Variants in C12orf54 observed in about 807,000 individuals in gnomAD.
C12orf54 encodes the protein uncharacterized protein C12orf54.
C12orf54 carries 24 observed loss-of-function variants against 26.4 expected under a neutral mutation model. The observed-to-expected ratio is 0.91, with a 90% CI of 0.66 to 1.28. C12orf54 has a LOEUF of 1.28. Among genes scored for constraint, C12orf54 ranks in the 50% most tolerant of loss-of-function variants. C12orf54 has a pLI of 0.00. For missense variants in C12orf54, 154 were observed against 150.9 expected (o/e 1.02, Z -0.11); for synonymous variants, 54 against 47.0 (o/e 1.15, Z -0.61).
the C12orf54 span, among the ~76,000 whole-genome samples, chr12:48,419,431 AC>A: frequency 1.3e-5 from 2 of 152,342 alleles, no homozygotes; most frequent in East Asian, 3.9e-4. Flanking sequence ...AGTGATCCGC[AC>A]AATTAACCAA....
In C12orf54 at chr12:48,494,927, C is replaced by T. The variant is rs555753684; in HGVS notation, c.372C>T (p.Tyr124=). Residue 124 remains tyrosine (Y), a synonymous_variant, in exon 8 of 9, where the codon TAC becomes TAT. Coordinates refer to ENST00000548364, the MANE Select transcript of C12orf54 (RefSeq NM_152319.4). ...AGCTCTTCAGTCAATCAGCTTACTACCCTGGACCCTAACTCTACAATCAAG... is the reference window on the plus strand; with the variant it reads ...AGCTCTTCAGTCAATCAGCTTACTATCCTGGACCCTAACTCTACAATCAAG... ...KTQLFSQSAY[Y]PGP 1 of 1,613,282 alleles carries T rather than the reference C, an allele frequency of 6.2e-7. No homozygotes were observed. The highest frequency in any genetic ancestry group is 1.1e-5 in the South Asian group (1 of 91,038).
the C12orf54 span, among the ~76,000 whole-genome samples, chr12:48,463,861 C>A: frequency 1.3e-5 from 2 of 151,928 alleles, no homozygotes; most frequent in African/African-American, 4.8e-5. Context: ...GCAGAAAAGG[C>A]TTTCTTTATA....
intron 4 of C12orf54, among the ~76,000 whole-genome samples, chr12:48,487,395 C>T (rs1410029120): frequency 1.3e-5 from 2 of 152,158 alleles, no homozygotes; most frequent in African/African-American, 4.8e-5. Context: ...TCTCCAGAGC[C>T]TCTTGTGCCA....
chr12:48,420,403 C>CT, the C12orf54 span, among the ~76,000 whole-genome samples: 7 of 152,174 alleles, frequency 4.6e-5, no homozygotes, highest in African/African-American at 1.2e-4. Flanking sequence ...CTTAGCCACC[C>CT]TTTTTTTAGA....
chr12:48,418,231 G>A, the C12orf54 span, among the ~76,000 whole-genome samples: 2 of 152,184 alleles, frequency 1.3e-5, no homozygotes, highest in African/African-American at 4.8e-5. Flanking sequence ...AAATGGTACA[G>A]GGAAGGCAGG....
chr12:48,441,555 A>G, the C12orf54 span, among the ~76,000 whole-genome samples: 4 of 151,588 alleles, frequency 2.6e-5, no homozygotes, highest in East Asian at 7.8e-4. Context: ...TGAGTGAATA[A>G]TGACAGGGGT....
intron 3 of C12orf54, chr12:48,486,427 C>T (rs1168754487): frequency 8.0e-6 from 5 of 624,996 alleles, no homozygotes; most frequent in Non-Finnish European, 1.1e-5. Flanking sequence ...GGCAGGCTTA[C>T]AGGCATTGAA....
the C12orf54 span, among the ~76,000 whole-genome samples, chr12:48,456,630 C>T: frequency 2.0e-5 from 3 of 152,144 alleles, no homozygotes; most frequent in African/African-American, 7.2e-5. Flanking sequence ...TGGAAAATGG[C>T]TTTGACAATT....
the C12orf54 span, chr12:48,442,841 G>C: frequency 6.4e-6 from 1 of 156,826 alleles, no homozygotes; most frequent in Non-Finnish European, 1.4e-5. Flanking sequence ...TCCCATCACA[G>C]TCAGGAGGCA....
At chr12:48,446,670 G>T in the C12orf54 span, among the ~76,000 whole-genome samples, 93 of 152,054 alleles carry the variant, frequency 6.1e-4, no homozygotes, top group East Asian at 0.017. Flanking sequence ...GTGACTCACG[G>T]CTTATTTTTA....
At chr12:48,441,306 T>C in the C12orf54 span, among the ~76,000 whole-genome samples, 2 of 152,172 alleles carry the variant, frequency 1.3e-5, no homozygotes, top group Admixed American at 6.5e-5. Flanking sequence ...GGCTGACCTT[T>C]GACTCTCTCC....
the C12orf54 span, among the ~76,000 whole-genome samples, chr12:48,463,269 A>G: frequency 6.6e-6 from 1 of 151,994 alleles, no homozygotes; most frequent in Non-Finnish European, 1.5e-5. Flanking sequence ...AGAAATATAA[A>G]TAACCATCAG....
chr12:48,438,164 G>A, the C12orf54 span, among the ~76,000 whole-genome samples: 1 of 152,192 alleles, frequency 6.6e-6, no homozygotes, highest in South Asian at 2.1e-4. Context: ...TTGCTTCAAA[G>A]AGAATAAAAT....
chr12:48,425,198 C>A, the C12orf54 span, among the ~76,000 whole-genome samples: 1 of 151,786 alleles, frequency 6.6e-6, no homozygotes, highest in Admixed American at 6.6e-5. Flanking sequence ...AGCCTAGTAC[C>A]CAATAGTTAT....
the C12orf54 span, among the ~76,000 whole-genome samples, chr12:48,444,667 TG>T: frequency 6.6e-6 from 1 of 152,212 alleles, no homozygotes; most frequent in Non-Finnish European, 1.5e-5. Context: ...CTATTCTCAC[TG>T]CTTCATCTAT....
the C12orf54 span, among the ~76,000 whole-genome samples, chr12:48,422,946 G>A: frequency 6.6e-6 from 1 of 152,106 alleles, no homozygotes; most frequent in Non-Finnish European, 1.5e-5. Flanking sequence ...AATACATTTG[G>A]TAAAGAAAAG....
At chr12:48,453,598 T>TATACACATATACACATATATATGTGTA in the C12orf54 span, among the ~76,000 whole-genome samples, 1 of 131,964 alleles carries the variant, frequency 7.6e-6, no homozygotes, top group Non-Finnish European at 1.7e-5. Flanking sequence ...TATGTGTATA[T>TATACACATATACACATATATATGTGTA]TCATGTTCTG....
At chr12:48,473,571 G>A in the C12orf54 span, 11 of 305,018 alleles carry the variant, frequency 3.6e-5, no homozygotes, top group South Asian at 1.0e-4. Context: ...GGTTGTGAGG[G>A]AAGGGAGGGG....
the C12orf54 span, among the ~76,000 whole-genome samples, chr12:48,466,220 A>G: frequency 6.6e-6 from 1 of 152,206 alleles, no homozygotes; most frequent in African/African-American, 2.4e-5. Flanking sequence ...TAAAATGGAT[A>G]AAATATTTGT....
Sources: allele counts gnomAD v4.1 joint callset (sites outside exome capture counted in the v4.1 genomes callset), GRCh38; gene constraint gnomAD v4.1.1; transcripts MANE v1.5; gene names NCBI Gene and HGNC (gene_info 2026-07-23, HGNC 2026-07-21).